Variants in BEND7 observed in about 807,000 individuals in gnomAD.
BEND7 encodes BEN domain containing 7.
In BEND7, 28 loss-of-function variants were observed where a neutral mutation model predicts 50.9. That is an observed-to-expected ratio of 0.55 (90% CI 0.41 to 0.75). The LOEUF (loss-of-function observed/expected upper bound fraction) is 0.75. BEND7 is among the 30% of genes least tolerant of loss of function. BEND7 has a pLI of 0.00. For missense variants in BEND7, 477 were observed against 491.3 expected (o/e 0.97, Z 0.28); for synonymous variants, 170 against 183.9 (o/e 0.92, Z 0.61).
chr10:13,512,439 C>A, intron 2 of BEND7, among the ~76,000 whole-genome samples: 1 of 152,368 alleles, frequency 6.6e-6, no homozygotes, highest in Admixed American at 6.5e-5. Context: ...TAGAACAAGA[C>A]TGTAGATTAA....
chr10:13,457,792 T>C (rs1203345850), intron 6 of BEND7, among the ~76,000 whole-genome samples: 2 of 152,216 alleles, frequency 1.3e-5, no homozygotes, highest in Admixed American at 6.5e-5. Context: ...CTGGTAACAG[T>C]TCCATTAGGA....
intron 7 of BEND7, among the ~76,000 whole-genome samples, chr10:13,449,632 T>C (rs1319821095): frequency 1.3e-5 from 2 of 152,248 alleles, no homozygotes; most frequent in Admixed American, 6.5e-5. Context: ...TTGGCAACTT[T>C]CTTTACATGT....
At position 13,452,646 on chromosome 10, in the gene BEND7, T is replaced by C. The variant is rs1228655448; in HGVS notation, c.1076A>G (p.Lys359Arg). Residue 359 changes from lysine to arginine, a missense_variant, in exon 7 of 9, where the codon AAG (lysine) becomes AGG (arginine). By Grantham distance (26) the Lys-to-Arg change is conservative. Coordinates refer to ENST00000466271, the MANE Select transcript of BEND7 (RefSeq NM_001369863.1). ...ATCCACATGGTTAGCTGTACAGTAC[T>C]TTTCTGTGAAGACTGAAAGAAAATG... ...IVGAIKVFTE[K>R]YCTANHVDKL... The C allele has an allele frequency of 6.3e-7, 1 of 1,593,114 alleles. No homozygotes were observed. Among genetic ancestry groups the C allele is most frequent in the Non-Finnish European group, 8.5e-7 (1 of 1,170,186 alleles).
chr10:13,445,402 T>A (rs1836105641), intron 8 of BEND7: 1 of 152,168 alleles, frequency 6.6e-6, no homozygotes, highest in Non-Finnish European at 1.5e-5. Flanking sequence ...TTAGGATCTT[T>A]AAGAAACATG....
At chr10:13,465,838 C>T (rs1197417602) in intron 6 of BEND7, among the ~76,000 whole-genome samples, 2 of 151,836 alleles carry the variant, frequency 1.3e-5, no homozygotes, top group Non-Finnish European at 2.9e-5. Context: ...TTGTTGAATC[C>T]CAGTGATTCT....
chr10:13,522,406 G>A (rs1564422302), intron 2 of BEND7, among the ~76,000 whole-genome samples: 1 of 152,170 alleles, frequency 6.6e-6, no homozygotes, highest in African/African-American at 2.4e-5. Flanking sequence ...GGTTTACTCC[G>A]GCCTCTGCTA....
intron 8 of BEND7, 118 bp downstream of exon 8, chr10:13,447,148 T>TGCAGA (rs10675399): frequency 0.22 from 229,973 of 1,022,118 alleles, 28,241 homozygotes; most frequent in African/African-American, 0.36. Context: ...CCTGGTCCAC[T>TGCAGA]GCAGAAGCAG....
intron 5 of BEND7, among the ~76,000 whole-genome samples, chr10:13,483,153 G>T (rs960687873): frequency 3.3e-5 from 5 of 152,118 alleles, no homozygotes; most frequent in African/African-American, 1.2e-4. Flanking sequence ...AGAGGAAGGG[G>T]AAGGACACTA....
chr10:13,486,482 G>C (rs2076233046), intron 5 of BEND7, among the ~76,000 whole-genome samples: 2 of 152,232 alleles, frequency 1.3e-5, no homozygotes, highest in South Asian at 4.1e-4. Context: ...CCGCAGTGTG[G>C]ATGGGACAGG....
chr10:13,488,461 A>G (rs561058176), intron 5 of BEND7, among the ~76,000 whole-genome samples: 8 of 152,236 alleles, frequency 5.3e-5, no homozygotes, highest in African/African-American at 1.7e-4. Context: ...TTGTGAACTC[A>G]TGAAGAAAGA....
intron 8 of BEND7, chr10:13,445,095 G>T (rs1450732429): frequency 1.3e-5 from 2 of 152,170 alleles, no homozygotes; most frequent in African/African-American, 4.8e-5. Flanking sequence ...TGGGATTACA[G>T]GTGTGAGCCA....
chr10:13,496,851 G>A lies in BEND7; in HGVS notation c.486C>T (p.Asn162=), dbSNP rs200443723. Residue 162 remains asparagine, a synonymous_variant, in exon 4 of 9, where the codon AAC becomes AAT. Coordinates refer to ENST00000466271, the MANE Select transcript of BEND7 (RefSeq NM_001369863.1). Reference sequence around the variant, plus strand: ...TTGACTGGCAGTTACAAGTACAGCAGTTTGATCCAGCTGATGAATTCACCA... The same window carrying A: ...TTGACTGGCAGTTACAAGTACAGCAATTTGATCCAGCTGATGAATTCACCA... ...LPVVNSSAGS[N]CCTCNCQSTL... is the part of the protein sequence containing the mutation. 2 of 1,577,296 alleles carry A rather than the reference G, an allele frequency of 1.3e-6. No individual in the cohort carries two copies. The highest frequency in any genetic ancestry group is 2.2e-5 in the South Asian group (2 of 90,464).
At chr10:13,502,805 C>T (rs960316558) in intron 2 of BEND7, 2 of 729,578 alleles carry the variant, frequency 2.7e-6, no homozygotes, top group Admixed American at 1.3e-4. Flanking sequence ...CCACCCCTGA[C>T]CCCAGGCTCC....
intron 7 of BEND7, 142 bp downstream of exon 7, chr10:13,452,395 TTA>T (rs1491168412): frequency 1.3e-6 from 1 of 793,934 alleles, no homozygotes; most frequent in Non-Finnish European, 1.8e-6. Flanking sequence ...GAATAAGACT[TTA>T]AGAGAGCAAA....
intron 2 of BEND7, among the ~76,000 whole-genome samples, chr10:13,500,331 T>C (rs1358477037): frequency 2.0e-5 from 3 of 152,088 alleles, no homozygotes; most frequent in Non-Finnish European, 4.4e-5. Context: ...TTCTTGAGAG[T>C]GTGTCATCAG....
At chr10:13,507,807 G>GT (rs1456419495) in intron 2 of BEND7, among the ~76,000 whole-genome samples, 1 of 152,174 alleles carries the variant, frequency 6.6e-6, no homozygotes, top group Non-Finnish European at 1.5e-5. Flanking sequence ...TCTGGAGGTG[G>GT]TTGCACAACA....
chr10:13,461,131 A>T (rs987615594), intron 6 of BEND7, among the ~76,000 whole-genome samples: 1 of 152,192 alleles, frequency 6.6e-6, no homozygotes, highest in African/African-American at 2.4e-5. Flanking sequence ...CAAAGAAAAA[A>T]GTGGAGGTGA....
chr10:13,527,783 C>T, intron 1 of BEND7: 2 of 957,460 alleles, frequency 2.1e-6, no homozygotes, highest in Non-Finnish European at 2.5e-6. Context: ...TGAACACAGA[C>T]AAGACTGTAT....
At chr10:13,490,155 C>T (rs1161232059) in intron 5 of BEND7, among the ~76,000 whole-genome samples, 3 of 152,192 alleles carry the variant, frequency 2.0e-5, no homozygotes, top group African/African-American at 7.2e-5. Context: ...TGGGTATATA[C>T]ATTGGCATTT....
Sources: allele counts gnomAD v4.1 joint callset (sites outside exome capture counted in the v4.1 genomes callset), GRCh38; gene constraint gnomAD v4.1.1; transcripts MANE v1.5; gene names NCBI Gene and HGNC (gene_info 2026-07-23, HGNC 2026-07-21).